FHL5: variants seen among roughly 807,000 people sequenced by gnomAD.
The protein encoded by FHL5 is four and a half LIM domains 5.
Under a neutral mutation model 32.0 loss-of-function variants are expected in FHL5, and 33 were observed. The ratio of observed to expected loss-of-function variants is 1.03; its 90% CI spans 0.78 to 1.38. FHL5 has a LOEUF of 1.38. Among genes scored for constraint, FHL5 ranks in the 40% most tolerant of loss-of-function variants. The probability of loss-of-function intolerance (pLI) is 0.00; values close to 1 mark genes in which losing one functional copy is unlikely to be tolerated. For missense variants in FHL5, 336 were observed against 343.9 expected, an observed-to-expected ratio of 0.98 and a Z score of 0.18; for synonymous variants, 114 against 113.6, an observed-to-expected ratio of 1.00 and a Z score of -0.02.
intron 1 of FHL5, among the ~76,000 whole-genome samples, chr6:96,568,396 A>G (rs745582513): frequency 1.3e-5 from 2 of 151,860 alleles, no homozygotes; most frequent in Non-Finnish European, 3.0e-5. Flanking sequence ...ATCTATGCTC[A>G]TCATGTTCAT....
intron 1 of FHL5, among the ~76,000 whole-genome samples, chr6:96,580,030 C>G (rs897405786): frequency 2.0e-5 from 3 of 152,172 alleles, no homozygotes; most frequent in Non-Finnish European, 4.4e-5. Flanking sequence ...TACTTGTATC[C>G]TTCAACTTGG....
intron 1 of FHL5, among the ~76,000 whole-genome samples, chr6:96,581,571 C>A (rs1029911889): frequency 1.5e-4 from 23 of 152,120 alleles, no homozygotes; most frequent in African/African-American, 5.3e-4. Flanking sequence ...TCTGCAATGG[C>A]AGATTATACT....
rs572293819 is a variant in FHL5 at position 96,617,411 on chromosome 6, TA to T, written c.*1643del. Among the ~76,000 whole-genome samples the T allele has an allele frequency of 3.9e-5, 6 of 152,358 alleles. No homozygotes were observed. The highest frequency in any genetic ancestry group is 2.6e-4 in the Admixed American group (4 of 15,308). ...TATGGAAATAATTTTTGAAATAGTT[TA>T]AAATGCAAGAATATTCAGCGATGTT... On this transcript the variant is annotated 3_prime_UTR_variant, in exon 6 of 6. Coordinates refer to ENST00000450218, the MANE Select transcript of FHL5 (RefSeq NM_001322466.2).
Position 96,606,382 on chromosome 6 carries a change from C to T in FHL5, c.504+311C>T, listed in dbSNP as rs186353043. On this transcript the variant is annotated intron_variant, in intron 4 of 5. Coordinates refer to ENST00000450218, the MANE Select transcript of FHL5 (RefSeq NM_001322466.2). ...GTTTTATTTTTTTGGGATGGAATCT[C>T]GCTCTGTCACCCAGGCTGGAGTGCA... Among the ~76,000 whole-genome samples, 98 of 152,100 alleles carry T rather than the reference C, an allele frequency of 6.4e-4. 3 individuals are homozygous for T. The East Asian group carries it at 0.014, about 22-fold the overall frequency.
At chr6:96,609,894 T>C (rs1254254601) in intron 4 of FHL5, among the ~76,000 whole-genome samples, 1 of 152,124 alleles carries the variant, frequency 6.6e-6, no homozygotes, top group Non-Finnish European at 1.5e-5. Context: ...GGAAAGATAA[T>C]AGTCTGTAGT....
chr6:96,574,020 A>C (rs1456133413), intron 1 of FHL5, among the ~76,000 whole-genome samples: 4 of 152,000 alleles, frequency 2.6e-5, no homozygotes, highest in Non-Finnish European at 5.9e-5. Context: ...ATTTTCTTCT[A>C]AACTTGTTTC....
At chr6:96,568,619 TA>T (rs1770411297) in intron 1 of FHL5, among the ~76,000 whole-genome samples, 1 of 151,954 alleles carries the variant, frequency 6.6e-6, no homozygotes, top group South Asian at 2.1e-4. Flanking sequence ...AGAGACTTTT[TA>T]TTACAGACTT....
At chr6:96,588,228 T>C (rs1461378976) in intron 1 of FHL5, among the ~76,000 whole-genome samples, 1 of 152,256 alleles carries the variant, frequency 6.6e-6, no homozygotes, top group African/African-American at 2.4e-5. Flanking sequence ...TCTTTTTTTT[T>C]GAGACGAAGT....
chr6:96,587,977 T>C (rs943782857), intron 1 of FHL5, among the ~76,000 whole-genome samples: 30 of 152,334 alleles, frequency 2.0e-4, no homozygotes, highest in African/African-American at 7.2e-4. Context: ...ATTTTTCCCT[T>C]GATGGACATT....
chr6:96,570,946 G>A (rs1185829666), intron 1 of FHL5, among the ~76,000 whole-genome samples: 2 of 151,504 alleles, frequency 1.3e-5, no homozygotes, highest in African/African-American at 4.9e-5. Context: ...GTATCTAATT[G>A]AGTTTCCTTA....
intron 5 of FHL5, among the ~76,000 whole-genome samples, chr6:96,614,793 G>A (rs188564134): frequency 6.6e-6 from 1 of 152,292 alleles, no homozygotes; most frequent in Non-Finnish European, 1.5e-5. Flanking sequence ...ATCACATTAA[G>A]GAGACAGAGA....
chr6:96,596,449 A>T (rs532452573), intron 1 of FHL5, among the ~76,000 whole-genome samples: 108 of 152,226 alleles, frequency 7.1e-4, no homozygotes, highest in African/African-American at 2.5e-3. Context: ...TTTTGAAGAC[A>T]TCATTTACCT....
At chr6:96,599,833 A>G (rs1771113580) in intron 1 of FHL5, among the ~76,000 whole-genome samples, 3 of 152,252 alleles carry the variant, frequency 2.0e-5, no homozygotes, top group Admixed American at 6.5e-5. Flanking sequence ...ACATGTTTAT[A>G]TTAATAGTTC....
intron 1 of FHL5, among the ~76,000 whole-genome samples, chr6:96,594,271 A>ATATATT (rs1554176523): frequency 7.8e-4 from 57 of 72,936 alleles, no homozygotes; most frequent in African/African-American, 1.5e-3. Flanking sequence ...ATATATATAT[A>ATATATT]TATGTATGTA....
At chr6:96,568,211 TTTTCTC>T (rs1216116981) in intron 1 of FHL5, among the ~76,000 whole-genome samples, 5 of 151,914 alleles carry the variant, frequency 3.3e-5, no homozygotes, top group African/African-American at 1.2e-4. Flanking sequence ...CTCAAATACA[TTTTCTC>T]TATCTCTTGA....
intron 1 of FHL5, among the ~76,000 whole-genome samples, chr6:96,571,989 C>T (rs1347373762): frequency 6.6e-6 from 1 of 152,154 alleles, no homozygotes; most frequent in African/African-American, 2.4e-5. Context: ...AATGACTCCA[C>T]TCCCTAGATA....
intron 1 of FHL5, among the ~76,000 whole-genome samples, chr6:96,598,673 T>A (rs909220519): frequency 2.0e-5 from 3 of 152,230 alleles, no homozygotes; most frequent in African/African-American, 7.2e-5. Flanking sequence ...GGATATTTTT[T>A]AAATTCTAAT....
chr6:96,564,911 G>T (rs1209648938), intron 1 of FHL5, among the ~76,000 whole-genome samples: 1 of 152,048 alleles, frequency 6.6e-6, no homozygotes, highest in African/African-American at 2.4e-5. Context: ...TAGAGGAAGA[G>T]GAGGAGAAGG....
chr6:96,610,923 T>A (rs1424880342), intron 5 of FHL5, among the ~76,000 whole-genome samples, 165 bp downstream of exon 5: 1 of 152,212 alleles, frequency 6.6e-6, no homozygotes, highest in African/African-American at 2.4e-5. Flanking sequence ...AAATATTACA[T>A]GGATTCCTCA....
Sources: allele counts gnomAD v4.1 joint callset (sites outside exome capture counted in the v4.1 genomes callset), GRCh38; gene constraint gnomAD v4.1.1; transcripts MANE v1.5; gene names NCBI Gene and HGNC (gene_info 2026-07-23, HGNC 2026-07-21).